The following FAM81A variants were observed in gnomAD, a reference collection of about 807,000 sequenced individuals.
FAM81A encodes family with sequence similarity 81 member A, also known as protein FAM81A.
In FAM81A, 19 loss-of-function variants were observed where a neutral mutation model predicts 46.7. The ratio of observed to expected loss-of-function variants is 0.41; its 90% CI spans 0.28 to 0.60. The LOEUF is 0.60. Ranked by LOEUF, FAM81A falls within the 20% of genes least tolerant of loss-of-function variation. The probability of loss-of-function intolerance (pLI) is 0.34; values close to 1 mark genes in which losing one functional copy is unlikely to be tolerated. For missense variants in FAM81A, 377 were observed against 453.5 expected (o/e 0.83, Z 1.53); for synonymous variants, 183 against 152.9 (o/e 1.20, Z -1.45).
At chr15:59,432,863 T>C (rs538285438) in intron 2 of FAM81A, among the ~76,000 whole-genome samples, 1 of 152,024 alleles carries the variant, frequency 6.6e-6, no homozygotes, top group Non-Finnish European at 1.5e-5. Context: ...AGGCCGGGCA[T>C]GGTGGCTCAC....
chr15:59,458,909 C>T (rs1467941542), intron 2 of FAM81A, among the ~76,000 whole-genome samples: 1 of 152,234 alleles, frequency 6.6e-6, no homozygotes, highest in African/African-American at 2.4e-5. Context: ...GGCTAACATC[C>T]CTGTTAAGCT....
At chr15:59,448,170 C>T (rs76407231) in intron 1 of FAM81A, among the ~76,000 whole-genome samples, 2,950 of 152,050 alleles carry the variant, frequency 0.019, 90 homozygotes, top group African/African-American at 0.068. Flanking sequence ...TGAGGTCAGG[C>T]TTTTGAGACC....
intron 1 of FAM81A, chr15:59,443,856 A>G (rs551021240): frequency 6.6e-6 from 1 of 152,286 alleles, no homozygotes; most frequent in Non-Finnish European, 1.5e-5. Context: ...CGACTGTTCC[A>G]GCCTAATTGG....
At chr15:59,484,202 T>C (rs1423020463) in intron 3 of FAM81A, among the ~76,000 whole-genome samples, 1 of 152,142 alleles carries the variant, frequency 6.6e-6, no homozygotes, top group African/African-American at 2.4e-5. Flanking sequence ...AGGCCTTGAA[T>C]AAAAAATAAT....
chr15:59,442,544 A>T (rs1417815472), intron 1 of FAM81A, among the ~76,000 whole-genome samples: 1 of 149,916 alleles, frequency 6.7e-6, no homozygotes, highest in Non-Finnish European at 1.5e-5. Context: ...TTGAACCCAG[A>T]AGGTGGAGGT....
intron 4 of FAM81A, among the ~76,000 whole-genome samples, 174 bp downstream of exon 4, chr15:59,492,563 G>A (rs1295990573): frequency 1.3e-5 from 2 of 152,102 alleles, no homozygotes; most frequent in Non-Finnish European, 2.9e-5. Context: ...TGGTTGTGAG[G>A]GTGCCATGGG....
intron 3 of FAM81A, among the ~76,000 whole-genome samples, chr15:59,485,433 G>T (rs934212983): frequency 2.0e-5 from 3 of 152,206 alleles, no homozygotes; most frequent in Admixed American, 2.0e-4. Context: ...GACTTTGCTT[G>T]TTTGGGAGAA....
chr15:59,447,333 G>T (rs2081363949), intron 1 of FAM81A, among the ~76,000 whole-genome samples: 1 of 152,152 alleles, frequency 6.6e-6, no homozygotes, highest in Admixed American at 6.5e-5. Context: ...GACCGTGTAA[G>T]ACCTCGATGA....
intron 8 of FAM81A, among the ~76,000 whole-genome samples, chr15:59,517,110 G>A (rs1021671901): frequency 7.2e-5 from 11 of 151,914 alleles, no homozygotes; most frequent in South Asian, 2.1e-4. Flanking sequence ...CAGCACCATC[G>A]GCCAATTCTT....
intron 3 of FAM81A, among the ~76,000 whole-genome samples, chr15:59,462,597 ACTGT>A (rs1448257566): frequency 6.6e-6 from 1 of 152,160 alleles, no homozygotes. Context: ...AATCATTATT[ACTGT>A]CTATTTCCAA....
At chr15:59,430,384 C>A (rs1181509069) in intron 2 of FAM81A, among the ~76,000 whole-genome samples, 2 of 151,526 alleles carry the variant, frequency 1.3e-5, no homozygotes, top group Non-Finnish European at 2.9e-5. Flanking sequence ...CCTGCCTCAG[C>A]CTCCTGTGTA....
intron 3 of FAM81A, among the ~76,000 whole-genome samples, chr15:59,463,080 C>G (rs1274689297): frequency 1.3e-5 from 2 of 152,056 alleles, no homozygotes; most frequent in African/African-American, 4.8e-5. Context: ...ATCTTTACAA[C>G]TATTTGCTTA....
At chr15:59,401,730 G>A in intron 1 of FAM81A, 1 of 773,530 alleles carries the variant, frequency 1.3e-6, no homozygotes, top group Non-Finnish European at 2.4e-6. Context: ...TCTCTGTCCA[G>A]CAGATAGGCA....
At chr15:59,440,397 A>G (rs2141582013) in intron 1 of FAM81A, among the ~76,000 whole-genome samples, 1 of 152,292 alleles carries the variant, frequency 6.6e-6, no homozygotes, top group African/African-American at 2.4e-5. Context: ...ATGTACACCC[A>G]GGTACAGTGG....
rs1567079772 is a variant in FAM81A at position 59,516,782 on chromosome 15, C to T, written c.924C>T (p.Thr308=). 1 of 1,612,190 alleles carries T rather than the reference C, an allele frequency of 6.2e-7. No individual in the cohort carries two copies. The highest frequency in any genetic ancestry group is 2.2e-5 in the East Asian group (1 of 44,830). Residue 308 remains threonine, a synonymous_variant, in exon 8 of 9, where the codon ACC becomes ACT. Transcript: ENST00000288228. ...AGGAGAAGATGCACGGGCGAATCACCAAGCTGGAGTTACAGATGAACCAGA... is the reference window on the plus strand; with the variant it reads ...AGGAGAAGATGCACGGGCGAATCACTAAGCTGGAGTTACAGATGAACCAGA... ...QEEEKMHGRI[T]KLELQMNQNI... is the part of the protein sequence containing the mutation.
intron 4 of FAM81A, among the ~76,000 whole-genome samples, chr15:59,495,753 C>A (rs1161340731): frequency 1.3e-5 from 2 of 152,154 alleles, no homozygotes; most frequent in Non-Finnish European, 2.9e-5. Flanking sequence ...TTGATTGCAT[C>A]CCCCTGAGGA....
chr15:59,521,132 C>A lies in FAM81A; in HGVS notation c.983-122C>A. Reference sequence around the variant, plus strand: ...CACCTGTTCCCCATCATACTTTCATCCCAGAGGTTTTAGCATCTATTAATA... The same window carrying A: ...CACCTGTTCCCCATCATACTTTCATACCAGAGGTTTTAGCATCTATTAATA... On this transcript the variant is annotated intron_variant, in intron 8 of 8. Coordinates refer to ENST00000288228, the MANE Select transcript of FAM81A (RefSeq NM_152450.3). 5 of 1,098,356 alleles carry A rather than the reference C, an allele frequency of 4.6e-6. No individual in the cohort carries two copies. The South Asian group carries it at 7.9e-5, about 17-fold the overall frequency. The allele number at this position is 1,098,356 out of a possible 1,614,324, so 68.0% of individuals were successfully genotyped here.
chr15:59,459,794 A>G (rs2081528744), intron 2 of FAM81A, 139 bp from the exon 3 acceptor site: 1 of 1,257,326 alleles, frequency 8.0e-7, no homozygotes, highest in Non-Finnish European at 1.1e-6. Context: ...AAACTTTTTT[A>G]GGCAGAAATC....
At chr15:59,402,889 T>G (rs1429251032) in intron 2 of FAM81A, among the ~76,000 whole-genome samples, 1 of 152,196 alleles carries the variant, frequency 6.6e-6, no homozygotes, top group Non-Finnish European at 1.5e-5. Context: ...ATAGCATTTC[T>G]AAATCATCTT....
Sources: gnomAD v4.1 joint callset for allele counts (sites outside exome capture counted in the v4.1 genomes callset) on GRCh38, gnomAD v4.1.1 for gene constraint, MANE v1.5 for transcripts, NCBI Gene and HGNC (gene_info 2026-07-23, HGNC 2026-07-21) for gene names.